The following WDR7 variants were observed in gnomAD, a reference collection of about 807,000 sequenced individuals.
WDR7 encodes the protein WD repeat domain 7.
In WDR7, 46 loss-of-function variants were observed where a neutral mutation model predicts 169.4. That is an observed-to-expected ratio of 0.27 (90% CI 0.21 to 0.35). The LOEUF (loss-of-function observed/expected upper bound fraction) is 0.35, where lower values mean the gene tolerates loss of function less well. Among genes scored for constraint, WDR7 ranks in the 10% least tolerant of loss-of-function variants. WDR7 has a pLI of 1.00. For synonymous variants in WDR7, 612 were observed against 666.8 expected, an observed-to-expected ratio of 0.92 and a Z score of 1.27; for missense variants, 1,534 against 1,859.3, an observed-to-expected ratio of 0.83 and a Z score of 3.22.
chr18:56,762,118 CTATT>C (rs1555687597), intron 16 of WDR7, among the ~76,000 whole-genome samples: 2 of 152,012 alleles, frequency 1.3e-5, no homozygotes, highest in Non-Finnish European at 1.5e-5. Flanking sequence ...TAATTTTCCT[CTATT>C]AATGTGGCAA....
At chr18:56,808,560 T>G (rs891420673) in intron 19 of WDR7, among the ~76,000 whole-genome samples, 1 of 152,204 alleles carries the variant, frequency 6.6e-6, no homozygotes, top group South Asian at 2.1e-4. Context: ...GAAGTGGTTT[T>G]ATATTTCCAT....
In WDR7 at chr18:56,674,595, A is replaced by G. The variant is rs183834087; in HGVS notation, c.159+1921A>G. 2.6e-5 allele frequency among the ~76,000 whole-genome samples: 4 copies of G among 151,994 alleles called. No individual in the cohort carries two copies. The East Asian group carries it at 7.7e-4, about 29-fold the overall frequency. ...ATCCCTTAACAGATATAAGATTTAC[A>G]TTTATTTTCTCCCATTTTATCAGTT... On this transcript the variant is annotated intron_variant, in intron 2 of 27. Coordinates refer to ENST00000254442, the MANE Select transcript of WDR7 (RefSeq NM_015285.3).
Position 56,935,890 on chromosome 18 carries a change from C to T in WDR7, c.3816C>T (p.Thr1272=). 1 of 1,613,930 alleles carries T rather than the reference C, an allele frequency of 6.2e-7. No homozygotes were observed. The highest frequency in any genetic ancestry group is 2.2e-5 in the East Asian group (1 of 44,882). The change falls in exon 23 of 28, where the codon ACC becomes ACT. Residue 1272 remains threonine (T), a synonymous_variant. Transcript: ENST00000254442. ...IATARPPAFI[T]TIAKEVHRHT... ...CCGCCAGACCACCCGCCTTCATCAC[C>T]ACCATAGCCAAAGAGGTGAGCGGAA...
chr18:56,864,127 G>A (rs543844537), intron 20 of WDR7, among the ~76,000 whole-genome samples: 1 of 151,510 alleles, frequency 6.6e-6, no homozygotes, highest in South Asian at 2.1e-4. Flanking sequence ...GTGCTCTTGA[G>A]AGAAAAAAGA....
chr18:57,026,567 C>T (rs1360103617), intron 27 of WDR7, among the ~76,000 whole-genome samples: 1 of 152,190 alleles, frequency 6.6e-6, no homozygotes, highest in Non-Finnish European at 1.5e-5. Context: ...AACTTTGCTT[C>T]CTTTTCTTGA....
At chr18:56,873,867 A>AG (rs1202056792) in intron 20 of WDR7, 1 of 152,216 alleles carries the variant, frequency 6.6e-6, no homozygotes, top group Non-Finnish European at 1.5e-5. Flanking sequence ...CCTGGGCTAG[A>AG]GGCAGCCATA....
intron 20 of WDR7, among the ~76,000 whole-genome samples, chr18:56,876,845 A>G (rs1014053358): frequency 6.6e-6 from 1 of 152,112 alleles, no homozygotes; most frequent in African/African-American, 2.4e-5. Flanking sequence ...AATTAATAAG[A>G]TAGAAAACAA....
chr18:56,969,180 C>A (rs1173621907), intron 26 of WDR7, among the ~76,000 whole-genome samples: 3 of 152,184 alleles, frequency 2.0e-5, no homozygotes, highest in Non-Finnish European at 4.4e-5. Context: ...TTCTAACCTG[C>A]CTTTTCCTGT....
chr18:57,001,925 A>G (rs2047986980), intron 26 of WDR7, among the ~76,000 whole-genome samples: 3 of 152,304 alleles, frequency 2.0e-5, no homozygotes, highest in African/African-American at 7.2e-5. Flanking sequence ...AACCCTAACT[A>G]GAAAACTGGG....
chr18:56,776,714 A>C, intron 16 of WDR7, 68 bp from the exon 17 acceptor site: 1 of 1,383,752 alleles, frequency 7.2e-7, no homozygotes, highest in Non-Finnish European at 1.0e-6. Flanking sequence ...CACTAATACT[A>C]AGCTTTTTTT....
chr18:56,760,875 C>T (rs758713596), intron 16 of WDR7, among the ~76,000 whole-genome samples: 4 of 152,034 alleles, frequency 2.6e-5, no homozygotes, highest in Admixed American at 6.6e-5. Flanking sequence ...CTAGCCAACA[C>T]CTAATATTTT....
chr18:56,869,586 A>T (rs571425131), intron 20 of WDR7, among the ~76,000 whole-genome samples: 1 of 152,336 alleles, frequency 6.6e-6, no homozygotes, highest in African/African-American at 2.4e-5. Flanking sequence ...CTATGCCGCT[A>T]ACACAAGATT....
At chr18:56,665,686 T>G (rs1040813476) in intron 1 of WDR7, among the ~76,000 whole-genome samples, 5 of 152,284 alleles carry the variant, frequency 3.3e-5, no homozygotes, top group African/African-American at 7.2e-5. Context: ...ATAGACATTT[T>G]CAAATATATA....
chr18:56,936,456 T>C (rs748709012), intron 23 of WDR7, among the ~76,000 whole-genome samples: 5 of 152,202 alleles, frequency 3.3e-5, no homozygotes, highest in Non-Finnish European at 7.3e-5. Context: ...AACTTTCCTA[T>C]AGGTCTTAGT....
At chr18:56,715,031 C>T (rs1487312830) in intron 12 of WDR7, among the ~76,000 whole-genome samples, 1 of 152,034 alleles carries the variant, frequency 6.6e-6, no homozygotes, top group Non-Finnish European at 1.5e-5. Context: ...AGATAGATTA[C>T]GTTTTCTTAA....
At chr18:56,992,443 A>G (rs1599227103) in intron 26 of WDR7, among the ~76,000 whole-genome samples, 1 of 152,208 alleles carries the variant, frequency 6.6e-6, no homozygotes, top group African/African-American at 2.4e-5. Context: ...GAGACTGCAT[A>G]CAGAGATTAT....
At chr18:56,665,492 A>AT (rs11431113) in intron 1 of WDR7, among the ~76,000 whole-genome samples, 139,671 of 152,120 alleles carry the variant, frequency 0.92, 65,281 homozygotes, top group East Asian at 1. Flanking sequence ...AAAGGCAGTC[A>AT]TATTACTGAT....
intron 12 of WDR7, among the ~76,000 whole-genome samples, chr18:56,712,483 G>C (rs1598982601): frequency 6.6e-6 from 1 of 152,074 alleles, no homozygotes; most frequent in Admixed American, 6.6e-5. Flanking sequence ...TACTTGTTTT[G>C]GGCCAGTATT....
At chr18:56,724,658 T>C (rs899814310) in intron 13 of WDR7, among the ~76,000 whole-genome samples, 2 of 151,540 alleles carry the variant, frequency 1.3e-5, no homozygotes, top group East Asian at 1.9e-4. Context: ...TTTATATATA[T>C]ATATAATTAT....
Sources: allele counts gnomAD v4.1 joint callset (sites outside exome capture counted in the v4.1 genomes callset), GRCh38; gene constraint gnomAD v4.1.1; transcripts MANE v1.5; gene names NCBI Gene and HGNC (gene_info 2026-07-23, HGNC 2026-07-21).